Variants in ADGRV1 observed in about 807,000 individuals in gnomAD.
The protein encoded by ADGRV1 is adhesion G protein-coupled receptor V1.
Under a neutral mutation model 596.2 loss-of-function variants are expected in ADGRV1, and 359 were observed. The observed-to-expected ratio is 0.60, with a 90% CI of 0.55 to 0.66. The LOEUF is 0.66. Ranked by LOEUF, ADGRV1 falls within the 30% of genes least tolerant of loss-of-function variation. ADGRV1 has a pLI of 0.00. For missense variants in ADGRV1, 7,274 were observed against 7,575.6 expected, an observed-to-expected ratio of 0.96 and a Z score of 1.48; for synonymous variants, 2,681 against 2,679.2, an observed-to-expected ratio of 1.00 and a Z score of -0.02.
chr5:90,753,892 A>G (rs1755542567), intron 54 of ADGRV1, 63 bp downstream of exon 54: 3 of 1,419,058 alleles, frequency 2.1e-6, no homozygotes, highest in South Asian at 1.5e-5. Context: ...TTTAATTCTA[A>G]TATTTATAAG....
chr5:90,691,815 G>T (rs1746518929), intron 31 of ADGRV1, among the ~76,000 whole-genome samples: 1 of 151,924 alleles, frequency 6.6e-6, no homozygotes, highest in Admixed American at 6.6e-5. Flanking sequence ...CCATTGTTGA[G>T]AACTTACTAT....
At chr5:91,129,403 T>TG (rs1429762214) in intron 87 of ADGRV1, among the ~76,000 whole-genome samples, 5 of 152,188 alleles carry the variant, frequency 3.3e-5, no homozygotes, top group Admixed American at 1.3e-4. Context: ...AGTTTAATGA[T>TG]GGGTAGGGTA....
At chr5:91,129,249 T>C (rs1794013864) in intron 87 of ADGRV1, among the ~76,000 whole-genome samples, 1 of 151,298 alleles carries the variant, frequency 6.6e-6, no homozygotes. Context: ...AAAATCATTA[T>C]TAAACATCTA....
At chr5:91,004,232 T>G (rs10053919) in intron 85 of ADGRV1, among the ~76,000 whole-genome samples, 33,034 of 152,048 alleles carry the variant, frequency 0.22, 3,778 homozygotes, top group East Asian at 0.4. Flanking sequence ...ATTTTCTTCC[T>G]GCATGAATGA....
intron 83 of ADGRV1, among the ~76,000 whole-genome samples, chr5:90,927,740 A>G (rs1774666916): frequency 6.6e-6 from 1 of 151,482 alleles, no homozygotes; most frequent in South Asian, 2.1e-4. Flanking sequence ...TGGTCTTTAC[A>G]TTTTGGCTTG....
At chr5:90,780,692 C>A (rs562260140) in intron 64 of ADGRV1, among the ~76,000 whole-genome samples, 8 of 151,530 alleles carry the variant, frequency 5.3e-5, no homozygotes, top group African/African-American at 1.9e-4. Flanking sequence ...TTCTTTCTTT[C>A]TTTTTCTTTC....
At chr5:91,114,006 C>A (rs984628850) in intron 87 of ADGRV1, among the ~76,000 whole-genome samples, 1 of 151,698 alleles carries the variant, frequency 6.6e-6, no homozygotes, top group African/African-American at 2.4e-5. Context: ...ATCATGTGGT[C>A]AGGAGTTTGA....
intron 1 of ADGRV1, among the ~76,000 whole-genome samples, chr5:90,577,772 T>C (rs760537187): frequency 7.2e-5 from 11 of 152,210 alleles, no homozygotes; most frequent in Non-Finnish European, 1.5e-4. Flanking sequence ...TTCCATTAGT[T>C]TGTGTCCTCT....
intron 83 of ADGRV1, among the ~76,000 whole-genome samples, chr5:90,958,144 C>G (rs952186005): frequency 6.6e-6 from 1 of 150,682 alleles, no homozygotes; most frequent in African/African-American, 2.5e-5. Context: ...ATTAGACAGG[C>G]CAGTGGTGCA....
chr5:90,762,908 C>T (rs1177982810), intron 58 of ADGRV1: 3 of 155,776 alleles, frequency 1.9e-5, no homozygotes, highest in African/African-American at 7.2e-5. Context: ...CTCTCAGGCC[C>T]TAGACTCTGT....
rs16869117 is a variant in ADGRV1 at position 90,773,936 on chromosome 5, G to A, written c.12286-250G>A. 0.027 allele frequency among the ~76,000 whole-genome samples: 4,150 copies of A among 152,084 alleles called. 279 individuals carry two copies. The East Asian group carries it at 0.28, about 10-fold the overall frequency. On this transcript the variant is annotated intron_variant, in intron 59 of 89. Transcript: ENST00000405460. ...TTTCTTTAAAGATTGGATTTTCAACGGTTAACATTTTTCAGTAAATTTAGG... is the reference window on the plus strand; with the variant it reads ...TTTCTTTAAAGATTGGATTTTCAACAGTTAACATTTTTCAGTAAATTTAGG...
At chr5:91,090,511 C>T (rs1000868985) in intron 86 of ADGRV1, among the ~76,000 whole-genome samples, 1 of 151,932 alleles carries the variant, frequency 6.6e-6, no homozygotes, top group Non-Finnish European at 1.5e-5. Context: ...TGACAAAGTA[C>T]TGCGTTTTAA....
At chr5:90,588,895 G>A (rs1009559217) in intron 1 of ADGRV1, among the ~76,000 whole-genome samples, 1 of 152,108 alleles carries the variant, frequency 6.6e-6, no homozygotes, top group South Asian at 2.1e-4. Flanking sequence ...ACTTTAACTC[G>A]GAGCCTAACT....
At chr5:90,916,876 C>T (rs1053929503) in intron 83 of ADGRV1, among the ~76,000 whole-genome samples, 1 of 151,972 alleles carries the variant, frequency 6.6e-6, no homozygotes, top group Non-Finnish European at 1.5e-5. Flanking sequence ...TCGTGATCCG[C>T]CCGCCTCGGC....
At chr5:91,054,107 G>C (rs1217122682) in intron 85 of ADGRV1, among the ~76,000 whole-genome samples, 1 of 120,882 alleles carries the variant, frequency 8.3e-6, no homozygotes, top group African/African-American at 3.6e-5. Flanking sequence ...GTGTGTGAGA[G>C]AGAGAGAGAG....
intron 85 of ADGRV1, among the ~76,000 whole-genome samples, chr5:91,054,110 A>T (rs369464453): frequency 0.028 from 4,018 of 141,066 alleles, 115 homozygotes; most frequent in African/African-American, 0.077. Flanking sequence ...TGTGAGAGAG[A>T]GAGAGAGAGA....
At chr5:90,764,823 G>T (rs552291525) in intron 59 of ADGRV1, among the ~76,000 whole-genome samples, 1 of 152,280 alleles carries the variant, frequency 6.6e-6, no homozygotes, top group South Asian at 2.1e-4. Context: ...AACCAGTATG[G>T]CACCCTCCAT....
chr5:90,773,393 G>A (rs1035724610), intron 59 of ADGRV1, among the ~76,000 whole-genome samples: 2 of 151,948 alleles, frequency 1.3e-5, no homozygotes, highest in African/African-American at 2.4e-5. Flanking sequence ...GTTGACCGAA[G>A]TAGGACCAAT....
rs950564170 is a variant in ADGRV1 at position 91,031,194 on chromosome 5, T to C, written c.18153-41253T>C. 12 of 1,515,374 alleles carry C rather than the reference T, an allele frequency of 7.9e-6. No individual in the cohort carries two copies. In the South Asian group the frequency reaches 1.4e-4, roughly 17 times the overall value. 93.9% of individuals were successfully genotyped at this position (1,515,374 alleles called of 1,614,324 possible). On this transcript the variant is annotated intron_variant, in intron 85 of 89. Transcript: ENST00000405460. Reference sequence around the variant, plus strand: ...ACAACCAAAAAGGCAAGAAGAGTAATCGAGATTTCCAGGAGTGTGTCCATG... The same window carrying C: ...ACAACCAAAAAGGCAAGAAGAGTAACCGAGATTTCCAGGAGTGTGTCCATG...
Sources: allele counts gnomAD v4.1 joint callset (sites outside exome capture counted in the v4.1 genomes callset), GRCh38; gene constraint gnomAD v4.1.1; transcripts MANE v1.5; gene names NCBI Gene and HGNC (gene_info 2026-07-23, HGNC 2026-07-21).